Variants in CSMD1 observed in about 807,000 individuals in gnomAD.
The protein encoded by CSMD1 is CUB and Sushi multiple domains 1.
A neutral mutation model predicts 417.5 loss-of-function variants in CSMD1; 213 were observed. The observed-to-expected ratio is 0.51, with a 90% confidence interval of 0.46 to 0.57. The LOEUF (loss-of-function observed/expected upper bound fraction) is 0.57, where lower values mean the gene tolerates loss of function less well. CSMD1 is among the 20% of genes least tolerant of loss of function. The pLI, the probability that CSMD1 is intolerant of heterozygous loss-of-function variation, is 0.00. For missense variants in CSMD1, 6,923 were observed against 4,529.7 expected (o/e 1.53, Z -15.17); for synonymous variants, 2,862 against 1,736.8 (o/e 1.65, Z -16.11).
chr8:3,118,956 G>A (rs902482865), intron 41 of CSMD1, among the ~76,000 whole-genome samples: 3 of 152,176 alleles, frequency 2.0e-5, no homozygotes, highest in Non-Finnish European at 4.4e-5. Context: ...CGAGGCGGGA[G>A]GATCACGAGG....
intron 41 of CSMD1, among the ~76,000 whole-genome samples, chr8:3,136,495 C>G (rs1466713769): frequency 6.6e-6 from 1 of 152,096 alleles, no homozygotes; most frequent in Non-Finnish European, 1.5e-5. Context: ...CGACTCCTGA[C>G]TTCAGCTGAT....
At chr8:3,905,343 A>G (rs533320365) in intron 5 of CSMD1, among the ~76,000 whole-genome samples, 1 of 152,328 alleles carries the variant, frequency 6.6e-6, no homozygotes, top group Non-Finnish European at 1.5e-5. Flanking sequence ...CCAACATAAA[A>G]GTTGATCATC....
chr8:3,301,944 T>G (rs1218031355), intron 25 of CSMD1, among the ~76,000 whole-genome samples: 2 of 152,184 alleles, frequency 1.3e-5, no homozygotes, highest in Admixed American at 1.3e-4. Flanking sequence ...ATGCACTTTT[T>G]TTTCAGTGTC....
intron 7 of CSMD1, among the ~76,000 whole-genome samples, chr8:3,631,129 C>G (rs1316088496): frequency 1.3e-5 from 2 of 152,206 alleles, no homozygotes; most frequent in African/African-American, 4.8e-5. Context: ...GCTCAGATGT[C>G]ATCTGCAAAA....
At chr8:3,302,738 T>A (rs1563247587) in intron 25 of CSMD1, among the ~76,000 whole-genome samples, 1 of 152,230 alleles carries the variant, frequency 6.6e-6, no homozygotes, top group Non-Finnish European at 1.5e-5. Context: ...CATATAGTGA[T>A]GTAGGAACTG....
intron 10 of CSMD1, among the ~76,000 whole-genome samples, chr8:3,563,934 T>G (rs549803179): frequency 1.6e-4 from 24 of 152,076 alleles, no homozygotes; most frequent in Non-Finnish European, 2.6e-4. Flanking sequence ...TTTAAACCTA[T>G]TTTTCATGAA....
chr8:3,753,781 A>C, intron 6 of CSMD1, 149 bp downstream of exon 6: 1 of 541,690 alleles, frequency 1.8e-6, no homozygotes, highest in Non-Finnish European at 3.3e-6. Flanking sequence ...CCAGCTGTCG[A>C]CTATATGATT....
intron 26 of CSMD1, among the ~76,000 whole-genome samples, chr8:3,243,691 C>G (rs1219798481): frequency 6.6e-6 from 1 of 151,844 alleles, no homozygotes; most frequent in African/African-American, 2.4e-5. Context: ...GATGGCTTAG[C>G]TTGGGCTCAC....
intron 63 of CSMD1, 148 bp downstream of exon 63, chr8:2,957,548 T>C: frequency 1.7e-6 from 1 of 591,366 alleles, no homozygotes. Flanking sequence ...TGCTGCCAGT[T>C]CTAGGGAACC....
intron 12 of CSMD1, among the ~76,000 whole-genome samples, chr8:3,452,528 T>G (rs983405042): frequency 3.3e-5 from 5 of 152,072 alleles, no homozygotes; most frequent in Admixed American, 2.0e-4. Context: ...TAGCATGAAG[T>G]GTTGTTGAAT....
At position 2,963,212 on chromosome 8, in the gene CSMD1, T is replaced by C. The variant is rs1038860948; in HGVS notation, c.9454+10A>G. The C allele has an allele frequency of 5.0e-6, 8 of 1,613,498 alleles. No individual in the cohort carries two copies. The East Asian group carries it at 6.7e-5, about 13-fold the overall frequency. On this transcript the variant is annotated intron_variant, in intron 60 of 69. Transcript: ENST00000635120. ...GCAGTGGGCGGAACAAATTCTGCTG[T>C]AGAACTTACGGAGACACTGGGGGAT... is the stretch of plus-strand genomic sequence containing the variant.
intron 20 of CSMD1, among the ~76,000 whole-genome samples, chr8:3,361,679 A>C (rs946681945): frequency 6.6e-6 from 1 of 150,660 alleles, no homozygotes; most frequent in African/African-American, 2.4e-5. Flanking sequence ...AAAACAAACA[A>C]AAACATTCTT....
chr8:3,826,745 G>T (rs557235735), intron 5 of CSMD1, among the ~76,000 whole-genome samples: 3 of 152,122 alleles, frequency 2.0e-5, no homozygotes, highest in East Asian at 3.9e-4. Flanking sequence ...ATATCCCTAG[G>T]AGGACTCACT....
At chr8:4,844,924 G>C (rs933329215) in intron 1 of CSMD1, among the ~76,000 whole-genome samples, 6 of 152,062 alleles carry the variant, frequency 3.9e-5, no homozygotes, top group African/African-American at 1.4e-4. Context: ...TTAACTTCGT[G>C]TTTCCCAAAT....
chr8:3,493,347 G>GT (rs1796216070), intron 11 of CSMD1, among the ~76,000 whole-genome samples: 1 of 148,238 alleles, frequency 6.7e-6, no homozygotes, highest in South Asian at 2.1e-4. Flanking sequence ...AAAATTTATT[G>GT]TTTTTTGCTA....
chr8:3,790,219 CAAA>C, intron 5 of CSMD1, among the ~76,000 whole-genome samples: 1 of 152,282 alleles, frequency 6.6e-6, no homozygotes, highest in South Asian at 2.1e-4. Context: ...GCTGCCTACA[CAAA>C]ACTCCTTTAT....
At chr8:4,346,493 C>G (rs913468118) in intron 3 of CSMD1, among the ~76,000 whole-genome samples, 1 of 152,100 alleles carries the variant, frequency 6.6e-6, no homozygotes, top group Non-Finnish European at 1.5e-5. Context: ...CTCTGATAGC[C>G]TCATGACATT....
chr8:3,262,095 T>C (rs1376658534), intron 26 of CSMD1, among the ~76,000 whole-genome samples: 1 of 150,184 alleles, frequency 6.7e-6, no homozygotes, highest in Non-Finnish European at 1.5e-5. Flanking sequence ...ATTAAAAAAG[T>C]AAAGGTTATG....
At chr8:3,435,963 T>A (rs1814532481) in intron 12 of CSMD1, among the ~76,000 whole-genome samples, 1 of 152,230 alleles carries the variant, frequency 6.6e-6, no homozygotes, top group Admixed American at 6.5e-5. Flanking sequence ...CCATGCCATT[T>A]CACTTTGCAA....
Sources: allele counts gnomAD v4.1 joint callset (sites outside exome capture counted in the v4.1 genomes callset), GRCh38; gene constraint gnomAD v4.1.1; transcripts MANE v1.5; gene names NCBI Gene and HGNC (gene_info 2026-07-23, HGNC 2026-07-21).